Variants in MTMR8 observed in about 807,000 individuals in gnomAD.
MTMR8 encodes phosphatidylinositol-3,5-bisphosphate 3-phosphatase MTMR8.
A neutral mutation model predicts 39.3 loss-of-function variants in MTMR8; 65 were observed. That is an observed-to-expected ratio of 1.65 (90% CI 1.35 to 2.03). The LOEUF is 2.03. MTMR8 is among the 30% of genes most tolerant of loss of function. The probability of loss-of-function intolerance (pLI) is 0.00; values close to 1 mark genes in which losing one functional copy is unlikely to be tolerated. For missense variants in MTMR8, 777 were observed against 538.9 expected (o/e 1.44, Z -4.37); for synonymous variants, 245 against 185.2 (o/e 1.32, Z -2.62).
At chrX:64,274,037 G>A (rs777742585) in intron 12 of MTMR8, among the ~76,000 whole-genome samples, 10 of 111,594 alleles carry the variant, frequency 9.0e-5, no homozygotes, top group Non-Finnish European at 1.7e-4. Context: ...TTTCAATTAT[G>A]GATAGAACAA....
intron 8 of MTMR8, among the ~76,000 whole-genome samples, chrX:64,343,142 A>T (rs1398431594): frequency 8.9e-6 from 1 of 111,828 alleles, no homozygotes; most frequent in Non-Finnish European, 1.9e-5. Context: ...CTCTGCATTT[A>T]TTTCACACCC....
Position 64,343,614 on chromosome X carries a change from T to C in MTMR8, c.972A>G (p.Thr324=). The C allele has an allele frequency of 8.5e-7, 1 of 1,173,724 alleles. No individual in the cohort carries two copies. Among genetic ancestry groups the C allele is most frequent in the Non-Finnish European group, 1.2e-6 (1 of 862,520 alleles). ...TTTTAAAAGTCCTGATTATTACCTT[T>C]GTAATGAAAATTCCAGCATCCATAA... The part of the protein sequence containing the change: ...KAIMDAGIFI[T]KAVKVEKASV... Residue 324 remains threonine, a synonymous_variant, in exon 8 of 14, where the codon ACA becomes ACG. Transcript: ENST00000374852.
chrX:64,333,481 T>G (rs780914226), intron 10 of MTMR8, among the ~76,000 whole-genome samples: 2 of 112,119 alleles, frequency 1.8e-5, no homozygotes, highest in South Asian at 7.5e-4. Flanking sequence ...TAATCTTTCG[T>G]TTGGACTGGA....
chrX:64,368,932 A>T (rs1019168522), intron 1 of MTMR8, among the ~76,000 whole-genome samples: 1 of 112,481 alleles, frequency 8.9e-6, no homozygotes, highest in African/African-American at 3.2e-5. Flanking sequence ...AAACAACCCC[A>T]TCAAAAAGTT....
intron 10 of MTMR8, 28 bp downstream of exon 10, chrX:64,336,051 C>T: frequency 9.6e-6 from 11 of 1,147,323 alleles, no homozygotes; most frequent in Non-Finnish European, 1.3e-5. Context: ...ATCCTCAGCC[C>T]CTTCCTTCAA....
chrX:64,284,907 C>T (rs1332599162), intron 12 of MTMR8, among the ~76,000 whole-genome samples: 1 of 112,066 alleles, frequency 8.9e-6, no homozygotes, highest in African/African-American at 3.2e-5. Flanking sequence ...TAGGAAGAAA[C>T]TGAATCAACT....
chrX:64,298,451 T>A (rs1921710896), intron 12 of MTMR8, among the ~76,000 whole-genome samples: 2 of 85,563 alleles, frequency 2.3e-5, no homozygotes, highest in Admixed American at 2.4e-4. Context: ...TTTGCTGAAG[T>A]TGCTTATCAG....
In MTMR8 at chrX:64,348,646, T is replaced by C; in HGVS notation, c.732+14A>G. Reference sequence around the variant, plus strand: ...GAGGCAGAAATATCAAAGAAATCACTGAGAAATAGATACCTTTGGTCTTGT... The same window carrying C: ...GAGGCAGAAATATCAAAGAAATCACCGAGAAATAGATACCTTTGGTCTTGT... On this transcript the variant is annotated intron_variant, in intron 6 of 13. Coordinates refer to ENST00000374852, the MANE Select transcript of MTMR8 (RefSeq NM_017677.4). 8.3e-7 allele frequency: 1 copy of C among 1,208,557 alleles called. No homozygotes were observed.
chrX:64,308,202 T>G (rs1384190181), intron 12 of MTMR8, among the ~76,000 whole-genome samples: 1 of 110,897 alleles, frequency 9.0e-6, no homozygotes, highest in Non-Finnish European at 1.9e-5. Context: ...AAAAAACTTT[T>G]GACGAAGCAT....
At position 64,347,049 on chromosome X, in the gene MTMR8, G is replaced by T. The variant is rs56350020; in HGVS notation, c.732+1611C>A. Among the ~76,000 whole-genome samples the T allele has an allele frequency of 7.9e-3, 877 of 110,901 alleles. 3 individuals carry two copies. Among genetic ancestry groups the T allele is most frequent in the Middle Eastern group, 0.014 (3 of 213 alleles). On this transcript the variant is annotated intron_variant, in intron 6 of 13. Transcript: ENST00000374852. ...CAGGCTCAGAGAGATGAACCAATTT[G>T]CCCAAGATGATATGGATAAAGGCTG...
intron 1 of MTMR8, among the ~76,000 whole-genome samples, chrX:64,383,421 A>G (rs1396896401): frequency 9.2e-6 from 1 of 109,248 alleles, no homozygotes; most frequent in Non-Finnish European, 1.9e-5. Flanking sequence ...TATATATGAT[A>G]TATAAAACCA....
chrX:64,390,089 T>C (rs1924656767), intron 1 of MTMR8, among the ~76,000 whole-genome samples: 1 of 111,610 alleles, frequency 9.0e-6, no homozygotes, highest in African/African-American at 3.3e-5. Flanking sequence ...CTAAATGCAT[T>C]TCAGGTTGTT....
chrX:64,342,313 G>A (rs1178042746), intron 8 of MTMR8, among the ~76,000 whole-genome samples: 2 of 112,300 alleles, frequency 1.8e-5, no homozygotes, highest in Non-Finnish European at 3.8e-5. Flanking sequence ...AGAACACATG[G>A]GACTTGGCAA....
At chrX:64,356,139 T>C in intron 3 of MTMR8, 37 bp downstream of exon 3, 1 of 1,163,817 alleles carries the variant, frequency 8.6e-7, no homozygotes, top group Non-Finnish European at 1.2e-6. Context: ...TGGAAAAATA[T>C]TAAAATGGTT....
intron 1 of MTMR8, among the ~76,000 whole-genome samples, chrX:64,393,186 G>C (rs969602395): frequency 6.3e-5 from 7 of 111,834 alleles, no homozygotes; most frequent in Non-Finnish European, 9.4e-5. Flanking sequence ...TCCTATCTTT[G>C]TTTATTAGGC....
intron 12 of MTMR8, among the ~76,000 whole-genome samples, chrX:64,281,426 A>C (rs1446296509): frequency 8.9e-6 from 1 of 111,793 alleles, no homozygotes; most frequent in Non-Finnish European, 1.9e-5. Flanking sequence ...TCTTCGACAA[A>C]CCTGACAACA....
At chrX:64,384,271 G>T (rs753478262) in intron 1 of MTMR8, among the ~76,000 whole-genome samples, 22 of 112,086 alleles carry the variant, frequency 2.0e-4, no homozygotes, top group Non-Finnish European at 2.8e-4. Context: ...AGAACCTGCA[G>T]CTGCTCTCAC....
intron 12 of MTMR8, among the ~76,000 whole-genome samples, chrX:64,314,088 A>T (rs1180995197): frequency 8.9e-6 from 1 of 112,477 alleles, no homozygotes; most frequent in South Asian, 3.7e-4. Context: ...CTAACTCTGG[A>T]TGACTGCTAT....
At chrX:64,280,774 G>A (rs113818423) in intron 12 of MTMR8, among the ~76,000 whole-genome samples, 9,210 of 111,035 alleles carry the variant, frequency 0.083, 1,004 homozygotes, top group African/African-American at 0.29. Context: ...GTTTGCTGAC[G>A]ACATGATCCT....
Sources: allele counts gnomAD v4.1 joint callset (sites outside exome capture counted in the v4.1 genomes callset), GRCh38; gene constraint gnomAD v4.1.1; transcripts MANE v1.5; gene names NCBI Gene and HGNC (gene_info 2026-07-23, HGNC 2026-07-21).